Variants in BCL2L1 observed in about 807,000 individuals in gnomAD.
BCL2L1 encodes the protein BCL2 like 1.
BCL2L1 carries 1 observed loss-of-function variant against 18.7 expected under a neutral mutation model. The observed-to-expected ratio is 0.05, with a 90% confidence interval of 0.02 to 0.25. The LOEUF (loss-of-function observed/expected upper bound fraction) is 0.25. BCL2L1 is among the 10% of genes least tolerant of loss of function. The pLI is 1.00. For missense variants in BCL2L1, 207 were observed against 304.9 expected, an observed-to-expected ratio of 0.68 and a Z score of 2.39; for synonymous variants, 103 against 122.7, an observed-to-expected ratio of 0.84 and a Z score of 1.06.
intron 2 of BCL2L1, among the ~76,000 whole-genome samples, chr20:31,709,738 G>C (rs1029776083): frequency 6.6e-6 from 1 of 150,944 alleles, no homozygotes; most frequent in African/African-American, 2.4e-5. Flanking sequence ...GGGAGGCTGA[G>C]GCAGGAGAAT....
intron 2 of BCL2L1, among the ~76,000 whole-genome samples, chr20:31,668,811 G>A (rs1311064527): frequency 6.7e-6 from 1 of 150,356 alleles, no homozygotes; most frequent in African/African-American, 2.5e-5. Context: ...TCCACGTTGG[G>A]TCAGGCTGGT....
At chr20:31,676,365 C>T (rs1290978506) in intron 2 of BCL2L1, among the ~76,000 whole-genome samples, 1 of 152,140 alleles carries the variant, frequency 6.6e-6, no homozygotes, top group African/African-American at 2.4e-5. Flanking sequence ...GGATAAATCA[C>T]CCTCCCAAGG....
At chr20:31,698,901 G>A (rs2061233756) in intron 2 of BCL2L1, among the ~76,000 whole-genome samples, 1 of 152,158 alleles carries the variant, frequency 6.6e-6, no homozygotes, top group African/African-American at 2.4e-5. Context: ...ATAGTGTGGT[G>A]GCTGGTCTGC....
At chr20:31,715,511 C>A (rs866440820) in intron 2 of BCL2L1, among the ~76,000 whole-genome samples, 15 of 152,146 alleles carry the variant, frequency 9.9e-5, no homozygotes, top group African/African-American at 3.6e-4. Flanking sequence ...GCTTTAAACA[C>A]CCTTTGCTGT....
intron 2 of BCL2L1, among the ~76,000 whole-genome samples, chr20:31,684,877 C>T (rs779071115): frequency 2.6e-5 from 4 of 152,170 alleles, no homozygotes; most frequent in Non-Finnish European, 5.9e-5. Flanking sequence ...CAGGGATTTC[C>T]GTTGGTGTTC....
intron 2 of BCL2L1, among the ~76,000 whole-genome samples, chr20:31,681,270 A>T (rs1158210631): frequency 6.6e-6 from 1 of 152,116 alleles, no homozygotes; most frequent in Non-Finnish European, 1.5e-5. Flanking sequence ...GTCTGGTGAG[A>T]TAATCAGGAA....
At chr20:31,685,399 CAA>C (rs113218713) in intron 2 of BCL2L1, among the ~76,000 whole-genome samples, 1 of 132,980 alleles carries the variant, frequency 7.5e-6, no homozygotes. Context: ...GACTCCATCT[CAA>C]AAAAAAAAAA....
intron 2 of BCL2L1, among the ~76,000 whole-genome samples, chr20:31,680,782 T>G (rs2060845910): frequency 6.6e-6 from 1 of 152,060 alleles, no homozygotes; most frequent in South Asian, 2.1e-4. Context: ...GAGTTTATAA[T>G]CAAATGGGAA....
At chr20:31,692,203 A>G (rs1205861519) in intron 2 of BCL2L1, among the ~76,000 whole-genome samples, 2 of 152,258 alleles carry the variant, frequency 1.3e-5, no homozygotes, top group Non-Finnish European at 2.9e-5. Flanking sequence ...ATGGGCAGCT[A>G]AAGTTTGGGA....
chr20:31,666,197 C>A (rs762443576), intron 2 of BCL2L1, 111 bp from the exon 3 acceptor site: 6 of 1,363,732 alleles, frequency 4.4e-6, no homozygotes, highest in Non-Finnish European at 5.1e-6. Context: ...AAAACTGTAG[C>A]CATCTGTGCC....
At chr20:31,722,538 C>G (rs1041019710) in intron 1 of BCL2L1, 80 bp downstream of exon 1, 3 of 214,986 alleles carry the variant, frequency 1.4e-5, no homozygotes, top group African/African-American at 6.8e-5. Flanking sequence ...CTACCCCCGT[C>G]TTCTCCGAAA....
chr20:31,665,638 G>A lies in BCL2L1; in HGVS notation c.*311C>T. The A allele has an allele frequency of 2.4e-6, 1 of 415,752 alleles. No homozygotes were observed. The highest frequency in any genetic ancestry group is 4.4e-6 in the Non-Finnish European group (1 of 229,352). 25.8% of individuals were successfully genotyped at this position (415,752 alleles called of 1,614,324 possible). ...TTTTCAGGGAGGCTAAGGGGTAAGGGTTGCACCAATCAGGTAGGGCCCTCC... is the reference window on the plus strand; with the variant it reads ...TTTTCAGGGAGGCTAAGGGGTAAGGATTGCACCAATCAGGTAGGGCCCTCC... On this transcript the variant is annotated 3_prime_UTR_variant, in exon 3 of 3. Transcript: ENST00000307677.
At chr20:31,713,902 G>A (rs779354619) in intron 2 of BCL2L1, among the ~76,000 whole-genome samples, 1 of 152,198 alleles carries the variant, frequency 6.6e-6, no homozygotes, top group Non-Finnish European at 1.5e-5. Flanking sequence ...CCTTGGGCAA[G>A]TCAATTCATC....
chr20:31,697,501 G>A (rs529014075), intron 2 of BCL2L1, among the ~76,000 whole-genome samples: 97 of 150,350 alleles, frequency 6.5e-4, no homozygotes, highest in Middle Eastern at 3.5e-3. Context: ...GCAGTGGCAC[G>A]ATCTTGACTC....
At chr20:31,693,592 G>A (rs1192608649) in intron 2 of BCL2L1, among the ~76,000 whole-genome samples, 2 of 152,146 alleles carry the variant, frequency 1.3e-5, no homozygotes, top group Non-Finnish European at 2.9e-5. Flanking sequence ...GAGAACAGTG[G>A]CGCGATCATA....
intron 2 of BCL2L1, among the ~76,000 whole-genome samples, chr20:31,711,997 C>T (rs1383586178): frequency 2.6e-5 from 4 of 152,142 alleles, no homozygotes; most frequent in South Asian, 4.1e-4. Context: ...ATGAAGGTAA[C>T]AACACCTACT....
At chr20:31,680,640 A>G (rs2060842704) in intron 2 of BCL2L1, among the ~76,000 whole-genome samples, 1 of 152,242 alleles carries the variant, frequency 6.6e-6, no homozygotes, top group Non-Finnish European at 1.5e-5. Context: ...AGGCCCAGAC[A>G]GGCTGCCTTC....
intron 2 of BCL2L1, among the ~76,000 whole-genome samples, chr20:31,680,114 A>G (rs911808166): frequency 7.9e-5 from 12 of 152,224 alleles, no homozygotes; most frequent in Non-Finnish European, 1.2e-4. Context: ...AATTCTCAAA[A>G]TCTTGCAAGT....
chr20:31,722,295 T>A lies in BCL2L1; in HGVS notation c.-77A>T. ...CTCACTGAGTCTCGTCTCTGGTTAG[T>A]GATTCTCTTCTAAGATCCAAAGCCA... On this transcript the variant is annotated 5_prime_UTR_variant, in exon 2 of 3. Coordinates refer to ENST00000307677, the MANE Select transcript of BCL2L1 (RefSeq NM_138578.3). 8.9e-7 allele frequency: 1 copy of A among 1,121,576 alleles called. No homozygotes were observed. The highest frequency in any genetic ancestry group is 2.5e-5 in the East Asian group (1 of 39,234). The allele number at this position is 1,121,576 out of a possible 1,614,324, so 69.5% of individuals were successfully genotyped here.
Sources: allele counts gnomAD v4.1 joint callset (sites outside exome capture counted in the v4.1 genomes callset), GRCh38; gene constraint gnomAD v4.1.1; transcripts MANE v1.5; gene names NCBI Gene and HGNC (gene_info 2026-07-23, HGNC 2026-07-21).